The following TCF20 variants were observed in gnomAD, a reference collection of about 807,000 sequenced individuals.
The protein encoded by TCF20 is transcription factor 20, also known as SPRE-binding protein.
A neutral mutation model predicts 148.6 loss-of-function variants in TCF20; 3 were observed. The ratio of observed to expected loss-of-function variants is 0.02; its 90% CI spans 0.01 to 0.05. The LOEUF (loss-of-function observed/expected upper bound fraction) is 0.05. Among genes scored for constraint, TCF20 ranks in the 10% least tolerant of loss-of-function variants. TCF20 has a pLI of 1.00. For missense variants in TCF20, 2,350 were observed against 2,429.3 expected (o/e 0.97, Z 0.69); for synonymous variants, 1,049 against 909.5 (o/e 1.15, Z -2.76).
intron 2 of TCF20, among the ~76,000 whole-genome samples, chr22:42,197,324 T>A (rs1414981918): frequency 7.1e-6 from 1 of 140,748 alleles, no homozygotes; most frequent in Non-Finnish European, 1.5e-5. Context: ...ATGAGAAACT[T>A]TTTTTTTTTT....
chr22:42,300,039 C>A (rs927613025), intron 1 of TCF20, among the ~76,000 whole-genome samples: 1 of 152,138 alleles, frequency 6.6e-6, no homozygotes, highest in Non-Finnish European at 1.5e-5. Context: ...CAGTCACGTG[C>A]AGCCTGGTTC....
chr22:42,188,411 G>GA (rs1937161462), intron 2 of TCF20, among the ~76,000 whole-genome samples: 3 of 149,098 alleles, frequency 2.0e-5, no homozygotes, highest in Non-Finnish European at 3.0e-5. Context: ...AAAAACACCA[G>GA]ACCCATGCTT....
At chr22:42,167,521 T>C (rs975436419) in intron 5 of TCF20, among the ~76,000 whole-genome samples, 2 of 103,410 alleles carry the variant, frequency 1.9e-5, no homozygotes, top group African/African-American at 6.2e-5. Context: ...CAAGGTACAT[T>C]TTGGTTTTTC....
At chr22:42,287,213 C>T (rs112773480), upstream of TCF20, among the ~76,000 whole-genome samples, 1 of 152,134 alleles carries the variant, frequency 6.6e-6, no homozygotes, top group African/African-American at 2.4e-5. Context: ...TTTTTGGGAG[C>T]ATGGTGGCTG....
intron 4 of TCF20, among the ~76,000 whole-genome samples, chr22:42,168,965 A>G (rs1440730390): frequency 1.3e-5 from 2 of 152,054 alleles, no homozygotes; most frequent in South Asian, 2.1e-4. Flanking sequence ...TAAAGAGAAT[A>G]TAAGATCCTG....
At chr22:42,245,115 A>T (rs1336290674) in intron 1 of TCF20, among the ~76,000 whole-genome samples, 2 of 152,216 alleles carry the variant, frequency 1.3e-5, no homozygotes, top group South Asian at 2.1e-4. Flanking sequence ...AAAAATCTCT[A>T]AAAAGGTGTA....
At chr22:42,241,070 G>A (rs999845707) in intron 1 of TCF20, among the ~76,000 whole-genome samples, 1 of 152,136 alleles carries the variant, frequency 6.6e-6, no homozygotes, top group African/African-American at 2.4e-5. Context: ...TGGCCAGGCT[G>A]GTCTCGAACT....
intron 1 of TCF20, among the ~76,000 whole-genome samples, chr22:42,282,916 C>A (rs897807473): frequency 5.1e-4 from 78 of 152,268 alleles, no homozygotes; most frequent in African/African-American, 1.9e-3. Context: ...CGCCGCCCAG[C>A]ACGGGCTCCC....
At chr22:42,259,364 C>G (rs1925913183) in intron 1 of TCF20, among the ~76,000 whole-genome samples, 1 of 152,070 alleles carries the variant, frequency 6.6e-6, no homozygotes, top group Admixed American at 6.6e-5. Context: ...AATTAGGAAG[C>G]AAGGAAGAAA....
chr22:42,253,898 G>GA (rs1374623278), intron 1 of TCF20, among the ~76,000 whole-genome samples: 1 of 152,034 alleles, frequency 6.6e-6, no homozygotes, highest in Non-Finnish European at 1.5e-5. Flanking sequence ...CCAACATGGA[G>GA]AAACCCTGTC....
intron 1 of TCF20, among the ~76,000 whole-genome samples, chr22:42,332,407 T>C (rs1259495806): frequency 6.6e-6 from 1 of 152,128 alleles, no homozygotes; most frequent in Non-Finnish European, 1.5e-5. Flanking sequence ...CTCGGTCTCA[T>C]TCCAAGGGTG....
At chr22:42,341,230 GCCGTCACC>G (rs1462215073) in intron 1 of TCF20, among the ~76,000 whole-genome samples, 1 of 152,132 alleles carries the variant, frequency 6.6e-6, no homozygotes, top group East Asian at 1.9e-4. Context: ...CAGGGCAGAC[GCCGTCACC>G]CCGGGGGACA....
chr22:42,295,623 A>G (rs1351680417), intron 1 of TCF20, among the ~76,000 whole-genome samples: 1 of 151,676 alleles, frequency 6.6e-6, no homozygotes, highest in East Asian at 1.9e-4. Flanking sequence ...TTGTATTTTT[A>G]GTAGAGACAG....
chr22:42,231,659 G>A (rs1423932022), intron 1 of TCF20, among the ~76,000 whole-genome samples: 2 of 152,150 alleles, frequency 1.3e-5, no homozygotes, highest in Admixed American at 6.5e-5. Context: ...CCAGGGACTG[G>A]TGGCTCATGC....
intron 1 of TCF20, among the ~76,000 whole-genome samples, chr22:42,326,968 T>C (rs1236976017): frequency 1.3e-5 from 2 of 152,196 alleles, no homozygotes; most frequent in African/African-American, 4.8e-5. Context: ...AGGGCAGATC[T>C]TTTTCCACAA....
chr22:42,180,013 G>A (rs1015569902), intron 2 of TCF20, among the ~76,000 whole-genome samples: 6 of 152,048 alleles, frequency 3.9e-5, no homozygotes, highest in South Asian at 2.1e-4. Context: ...TGGTACCCCC[G>A]CCATCCACCC....
intron 4 of TCF20, among the ~76,000 whole-genome samples, chr22:42,169,116 G>A (rs1157344327): frequency 6.6e-6 from 1 of 151,088 alleles, no homozygotes; most frequent in Non-Finnish European, 1.5e-5. Context: ...GACTGCGAGT[G>A]ACCAGTGACC....
intron 1 of TCF20, among the ~76,000 whole-genome samples, chr22:42,307,273 T>G (rs1461821218): frequency 6.6e-6 from 1 of 152,168 alleles, no homozygotes; most frequent in Non-Finnish European, 1.5e-5. Flanking sequence ...CGCCCCGGAA[T>G]GTGAGGGTGG....
chr22:42,297,360 G>A lies in TCF20; in HGVS notation c.-37+46119C>T, dbSNP rs1347938210. ...TAAGGGTTGGTCATATTCATGGAGC[G>A]GCAAGAATGAGGAGTGGGTCCTCAT... is the stretch of plus-strand genomic sequence containing the variant. On this transcript the variant is annotated intron_variant, in intron 1 of 1. Coordinates refer to the TCF20 transcript ENST00000515426. This position sits in a 1 kb window ranked among gnomAD's most constrained non-coding sequence, Gnocchi z 4.3. Among the ~76,000 whole-genome samples, 2 of 152,204 alleles carry A rather than the reference G, an allele frequency of 1.3e-5. No homozygotes were observed. The highest frequency in any genetic ancestry group is 4.8e-5 in the African/African-American group (2 of 41,440).
Sources: allele counts gnomAD v4.1 joint callset (sites outside exome capture counted in the v4.1 genomes callset), GRCh38; gene constraint gnomAD v4.1.1; non-coding constraint Gnocchi (gnomAD v3.1); transcripts MANE v1.5; gene names NCBI Gene and HGNC (gene_info 2026-07-23, HGNC 2026-07-21).